ELMO1: variants seen among roughly 807,000 people sequenced by gnomAD.
ELMO1 encodes the protein engulfment and cell motility protein 1.
In ELMO1, 26 loss-of-function variants were observed where a neutral mutation model predicts 98.9. That is an observed-to-expected ratio of 0.26 (90% CI 0.19 to 0.36). ELMO1 has a LOEUF of 0.36. Among genes scored for constraint, ELMO1 ranks in the 10% least tolerant of loss-of-function variants. ELMO1 has a pLI of 1.00. For synonymous variants in ELMO1, 346 were observed against 346.0 expected, an observed-to-expected ratio of 1.00 and a Z score of 0.00; for missense variants, 627 against 935.2, an observed-to-expected ratio of 0.67 and a Z score of 4.30.
At chr7:37,000,392 C>T (rs1045650420) in intron 16 of ELMO1, among the ~76,000 whole-genome samples, 6 of 152,128 alleles carry the variant, frequency 3.9e-5, no homozygotes, top group East Asian at 1.9e-4. Context: ...AGCCAAGCCA[C>T]GCAAACAAAT....
At chr7:36,866,947 C>T (rs543777404) in intron 20 of ELMO1, among the ~76,000 whole-genome samples, 6 of 152,072 alleles carry the variant, frequency 3.9e-5, no homozygotes, top group Non-Finnish European at 5.9e-5. Flanking sequence ...TTCCTTCTGC[C>T]TTTTGATGTT....
intron 4 of ELMO1, among the ~76,000 whole-genome samples, chr7:37,291,471 A>T (rs1048505991): frequency 6.6e-6 from 1 of 152,254 alleles, no homozygotes; most frequent in Non-Finnish European, 1.5e-5. Flanking sequence ...TGTCCACAAC[A>T]TATAAACAAC....
In ELMO1 at chr7:37,272,675, T is replaced by G. The variant is rs1554286763; in HGVS notation, c.193-793A>C. ...AGGCAACAAGAGTGAAACTCCGTCTTAAAGGAAAAAAAAAAAAAAAGGAAT... is the reference window on the plus strand; with the variant it reads ...AGGCAACAAGAGTGAAACTCCGTCTGAAAGGAAAAAAAAAAAAAAAGGAAT... On this transcript the variant is annotated intron_variant, in intron 4 of 21. Coordinates refer to ENST00000310758, the MANE Select transcript of ELMO1 (RefSeq NM_014800.11). Among the ~76,000 whole-genome samples the G allele has an allele frequency of 2.8e-5, 4 of 143,144 alleles. 1 individual carries two copies. In the South Asian group the frequency reaches 9.1e-4, roughly 32 times the overall value. 93.9% of individuals were successfully genotyped at this position (143,144 alleles called of 152,430 possible).
intron 1 of ELMO1, among the ~76,000 whole-genome samples, chr7:37,376,576 A>C (rs1802356073): frequency 6.6e-6 from 1 of 152,158 alleles, no homozygotes; most frequent in African/African-American, 2.4e-5. Context: ...CTCAATTAGT[A>C]CTGTAACCCC....
At chr7:37,209,443 T>C (rs895981451) in intron 13 of ELMO1, among the ~76,000 whole-genome samples, 3 of 152,112 alleles carry the variant, frequency 2.0e-5, no homozygotes, top group African/African-American at 7.2e-5. Context: ...ATTTTCTACA[T>C]AGCTCAGAAG....
At chr7:37,076,072 T>G (rs2129229812) in intron 15 of ELMO1, among the ~76,000 whole-genome samples, 1 of 152,306 alleles carries the variant, frequency 6.6e-6, no homozygotes, top group Admixed American at 6.5e-5. Flanking sequence ...AAAACTGATT[T>G]AATGAAACAC....
chr7:37,429,348 C>A (rs1308281983), intron 1 of ELMO1: 2 of 152,276 alleles, frequency 1.3e-5, no homozygotes, highest in African/African-American at 2.4e-5. Context: ...ACAGTTACCC[C>A]TGTAACAGTC....
At chr7:37,149,592 T>C (rs1004158002) in intron 13 of ELMO1, among the ~76,000 whole-genome samples, 1 of 152,242 alleles carries the variant, frequency 6.6e-6, no homozygotes, top group South Asian at 2.1e-4. Context: ...TTGATTTGCA[T>C]ACTGTCTGTG....
At chr7:37,165,913 T>C (rs1789646870) in intron 13 of ELMO1, among the ~76,000 whole-genome samples, 7 of 152,328 alleles carry the variant, frequency 4.6e-5, no homozygotes, top group Middle Eastern at 3.4e-3. Flanking sequence ...GAAGGAATGG[T>C]ACCAGTTCCT....
intron 16 of ELMO1, among the ~76,000 whole-genome samples, chr7:36,978,902 C>T (rs896855593): frequency 6.6e-6 from 1 of 152,156 alleles, no homozygotes; most frequent in Non-Finnish European, 1.5e-5. Context: ...TTTTACAATC[C>T]ACAGAGTACA....
At chr7:37,010,576 C>T (rs940603794) in intron 16 of ELMO1, among the ~76,000 whole-genome samples, 2 of 152,142 alleles carry the variant, frequency 1.3e-5, no homozygotes, top group Non-Finnish European at 2.9e-5. Context: ...ACAAGAAGGA[C>T]ATAAGCCAAG....
intron 20 of ELMO1, among the ~76,000 whole-genome samples, chr7:36,864,581 C>T (rs924943070): frequency 2.0e-5 from 3 of 152,164 alleles, no homozygotes; most frequent in Admixed American, 6.5e-5. Flanking sequence ...GCACTTGGAG[C>T]GGGGAGGCTG....
intron 14 of ELMO1, among the ~76,000 whole-genome samples, chr7:37,132,299 T>G (rs1178104112): frequency 6.6e-6 from 1 of 152,210 alleles, no homozygotes; most frequent in African/African-American, 2.4e-5. Context: ...TTTAGGCAAC[T>G]TGTTCATCAA....
intron 13 of ELMO1, among the ~76,000 whole-genome samples, chr7:37,166,401 G>C (rs1010728237): frequency 1.3e-5 from 2 of 151,310 alleles, no homozygotes; most frequent in Admixed American, 6.6e-5. Flanking sequence ...GTTTGCTCTT[G>C]CTTTTCTAGT....
intron 16 of ELMO1, among the ~76,000 whole-genome samples, chr7:36,900,746 T>C (rs146675722): frequency 7.0e-4 from 107 of 152,328 alleles, no homozygotes; most frequent in African/African-American, 2.5e-3. Flanking sequence ...AATTGATTTA[T>C]CTTCACAGTG....
At chr7:37,054,168 TAAA>T (rs1200111038) in intron 15 of ELMO1, among the ~76,000 whole-genome samples, 1 of 152,248 alleles carries the variant, frequency 6.6e-6, no homozygotes, top group African/African-American at 2.4e-5. Flanking sequence ...ATTTATGACA[TAAA>T]AAATTTATTT....
intron 6 of ELMO1, among the ~76,000 whole-genome samples, chr7:37,250,188 T>A (rs1399275678): frequency 6.6e-6 from 1 of 152,182 alleles, no homozygotes; most frequent in African/African-American, 2.4e-5. Flanking sequence ...TTCTTCAAAT[T>A]ATTGTATATT....
intron 13 of ELMO1, among the ~76,000 whole-genome samples, chr7:37,181,375 C>A (rs1198203764): frequency 6.6e-6 from 1 of 152,002 alleles, no homozygotes; most frequent in Non-Finnish European, 1.5e-5. Flanking sequence ...TTACACCACA[C>A]CTGCCCTCTC....
At position 37,187,990 on chromosome 7, in the gene ELMO1, A is replaced by C. The variant is rs115859361; in HGVS notation, c.1086+23396T>G. 3.1e-3 allele frequency among the ~76,000 whole-genome samples: 470 copies of C among 152,096 alleles called. 3 individuals carry two copies. Among genetic ancestry groups the C allele is most frequent in the African/African-American group, 0.01 (431 of 41,490 alleles). Reference sequence around the variant, plus strand: ...AGGTTTCCTTTGTCTAATCATTTCTATTACCTTGTGACAAGAATCTTCATT... The same window carrying C: ...AGGTTTCCTTTGTCTAATCATTTCTCTTACCTTGTGACAAGAATCTTCATT... On this transcript the variant is annotated intron_variant, in intron 13 of 21. Coordinates refer to ENST00000310758, the MANE Select transcript of ELMO1 (RefSeq NM_014800.11).
Sources: gnomAD v4.1 joint callset for allele counts (sites outside exome capture counted in the v4.1 genomes callset) on GRCh38, gnomAD v4.1.1 for gene constraint, MANE v1.5 for transcripts, NCBI Gene and HGNC (gene_info 2026-07-23, HGNC 2026-07-21) for gene names.